IQCJ: variants seen among roughly 807,000 people sequenced by gnomAD.
IQCJ encodes the protein IQ domain-containing protein J.
Under a neutral mutation model 11.0 loss-of-function variants are expected in IQCJ, and 9 were observed. That is an observed-to-expected ratio of 0.82 (90% CI 0.49 to 1.43). The LOEUF (loss-of-function observed/expected upper bound fraction) is 1.43, where lower values mean the gene tolerates loss of function less well. IQCJ is among the 40% of genes most tolerant of loss of function. The pLI, the probability that IQCJ is intolerant of heterozygous loss-of-function variation, is 0.00. For synonymous variants in IQCJ, 55 were observed against 51.3 expected (o/e 1.07, Z -0.31); for missense variants, 146 against 133.2 (o/e 1.10, Z -0.47).
intron 1 of IQCJ, among the ~76,000 whole-genome samples, chr3:159,208,404 T>G (rs1471447487): frequency 6.6e-6 from 1 of 152,176 alleles, no homozygotes; most frequent in Non-Finnish European, 1.5e-5. Context: ...GCCCACACTC[T>G]GCCCACTGAC....
chr3:159,156,922 T>G (rs969670892), intron 1 of IQCJ, among the ~76,000 whole-genome samples: 1 of 152,230 alleles, frequency 6.6e-6, no homozygotes, highest in South Asian at 2.1e-4. Context: ...GGGGGCTTAC[T>G]AGACTATTTT....
chr3:159,207,479 C>G (rs1724716491), intron 1 of IQCJ, among the ~76,000 whole-genome samples: 1 of 151,176 alleles, frequency 6.6e-6, no homozygotes, highest in Non-Finnish European at 1.5e-5. Context: ...ATAAAATGAT[C>G]AAAGCAAAAA....
At chr3:159,232,698 G>A (rs1726334761) in intron 1 of IQCJ, among the ~76,000 whole-genome samples, 1 of 152,114 alleles carries the variant, frequency 6.6e-6, no homozygotes, top group Non-Finnish European at 1.5e-5. Flanking sequence ...TGTATATTCT[G>A]TTGATTTGGG....
intron 1 of IQCJ, among the ~76,000 whole-genome samples, chr3:159,131,166 A>G (rs73027666): frequency 0.026 from 4,003 of 152,258 alleles, 189 homozygotes; most frequent in African/African-American, 0.091. Context: ...TATTAGCCAC[A>G]TGGTGCTAGT....
At chr3:159,151,568 A>G (rs1721220046) in intron 1 of IQCJ, among the ~76,000 whole-genome samples, 1 of 152,158 alleles carries the variant, frequency 6.6e-6, no homozygotes, top group African/African-American at 2.4e-5. Context: ...CAAGTTACTT[A>G]CCTGCACTGG....
chr3:159,230,127 G>T (rs1000244855), intron 1 of IQCJ, among the ~76,000 whole-genome samples: 1 of 151,798 alleles, frequency 6.6e-6, no homozygotes, highest in Non-Finnish European at 1.5e-5. Flanking sequence ...CCACTTACAA[G>T]TGAGAACATG....
chr3:159,210,315 TAAAC>T (rs1163462301), intron 1 of IQCJ, among the ~76,000 whole-genome samples: 6 of 152,248 alleles, frequency 3.9e-5, no homozygotes, highest in Non-Finnish European at 8.8e-5. Flanking sequence ...GTGTAAGTTT[TAAAC>T]AATTGCTGCA....
At chr3:159,260,739 C>G (rs1001270485) in intron 3 of IQCJ, among the ~76,000 whole-genome samples, 2 of 151,940 alleles carry the variant, frequency 1.3e-5, no homozygotes, top group African/African-American at 4.8e-5. Context: ...AAACAGTGAC[C>G]AAATATAATT....
chr3:159,139,164 A>G (rs1720462063), intron 1 of IQCJ, among the ~76,000 whole-genome samples: 1 of 151,380 alleles, frequency 6.6e-6, no homozygotes, highest in Admixed American at 6.6e-5. Context: ...TCTTTCTTGG[A>G]TTCTGTGTTG....
intron 1 of IQCJ, among the ~76,000 whole-genome samples, chr3:159,084,830 T>C (rs1394278298): frequency 1.3e-5 from 2 of 152,104 alleles, no homozygotes; most frequent in Admixed American, 6.6e-5. Flanking sequence ...ATCCTGAGTC[T>C]TGATGGGGAT....
rs534405234 is a variant in IQCJ, at chr3:159,073,483, G to A, written c.9+4042G>A. On this transcript the variant is annotated intron_variant, in intron 1 of 3. Coordinates refer to ENST00000397832, the MANE Select transcript of IQCJ (RefSeq NM_001042706.3). ...GCTGAGTGGGCACCTCAGAGTAAGTGTCTCCTTAAGTTTTGCACTCTCAGG... is the reference window on the plus strand; with the variant it reads ...GCTGAGTGGGCACCTCAGAGTAAGTATCTCCTTAAGTTTTGCACTCTCAGG... Among the ~76,000 whole-genome samples, 14 of 152,182 alleles carry A rather than the reference G, an allele frequency of 9.2e-5. No homozygotes were observed. The South Asian group carries it at 2.9e-3, about 32-fold the overall frequency.
At chr3:159,161,770 C>T (rs992317673) in intron 1 of IQCJ, among the ~76,000 whole-genome samples, 1 of 152,192 alleles carries the variant, frequency 6.6e-6, no homozygotes, top group African/African-American at 2.4e-5. Context: ...TTTCCCAGCA[C>T]CATTTATTAA....
At chr3:159,092,877 T>C (rs1717432273) in intron 1 of IQCJ, among the ~76,000 whole-genome samples, 2 of 151,740 alleles carry the variant, frequency 1.3e-5, no homozygotes, top group Non-Finnish European at 2.9e-5. Flanking sequence ...CTGAGGTATT[T>C]AGGGGTGAAG....
chr3:159,254,405 G>C (rs546896291), intron 3 of IQCJ, among the ~76,000 whole-genome samples: 2 of 152,250 alleles, frequency 1.3e-5, no homozygotes, highest in South Asian at 4.1e-4. Context: ...TGATTTGTTG[G>C]AGGAGTCTCA....
chr3:159,220,448 C>T (rs1725471344), intron 1 of IQCJ, among the ~76,000 whole-genome samples: 2 of 152,130 alleles, frequency 1.3e-5, no homozygotes, highest in Admixed American at 1.3e-4. Context: ...AGCTACAGAG[C>T]TGTCATTTGC....
At chr3:159,114,058 GA>G (rs1718799467) in intron 1 of IQCJ, among the ~76,000 whole-genome samples, 1 of 152,122 alleles carries the variant, frequency 6.6e-6, no homozygotes, top group Non-Finnish European at 1.5e-5. Flanking sequence ...AGCAAAAGAA[GA>G]AATTAGCCAG....
intron 1 of IQCJ, among the ~76,000 whole-genome samples, chr3:159,144,462 T>G (rs1293166016): frequency 1.3e-5 from 2 of 152,134 alleles, no homozygotes; most frequent in African/African-American, 4.8e-5. Context: ...GACAATTCCT[T>G]TCTCACCAGT....
chr3:159,242,710 C>T (rs78824920), intron 1 of IQCJ, among the ~76,000 whole-genome samples: 1,679 of 151,766 alleles, frequency 0.011, 28 homozygotes, highest in African/African-American at 0.039. Context: ...TGACCATACA[C>T]CTGAATGTAA....
intron 1 of IQCJ, among the ~76,000 whole-genome samples, chr3:159,234,783 G>A (rs1726480076): frequency 6.6e-6 from 1 of 152,162 alleles, no homozygotes; most frequent in African/African-American, 2.4e-5. Context: ...GGTATGAAGG[G>A]CTGCAGGGCA....
Sources: allele counts gnomAD v4.1 joint callset (sites outside exome capture counted in the v4.1 genomes callset), GRCh38; gene constraint gnomAD v4.1.1; transcripts MANE v1.5; gene names NCBI Gene and HGNC (gene_info 2026-07-23, HGNC 2026-07-21).